Variants in DLC1 observed in about 807,000 individuals in gnomAD.
DLC1 encodes DLC1 Rho GTPase activating protein.
Under a neutral mutation model 140.3 loss-of-function variants are expected in DLC1, and 54 were observed. The ratio of observed to expected loss-of-function variants is 0.38; its 90% confidence interval spans 0.31 to 0.48. The LOEUF (loss-of-function observed/expected upper bound fraction) is 0.48. DLC1 is among the 20% of genes least tolerant of loss of function. The probability of loss-of-function intolerance (pLI) is 0.96; values close to 1 mark genes in which losing one functional copy is unlikely to be tolerated. For synonymous variants in DLC1, 986 were observed against 728.1 expected, an observed-to-expected ratio of 1.35 and a Z score of -5.70; for missense variants, 2,536 against 1,907.0, an observed-to-expected ratio of 1.33 and a Z score of -6.14.
At chr8:13,294,858 A>G (rs960335043) in intron 5 of DLC1, among the ~76,000 whole-genome samples, 1 of 152,190 alleles carries the variant, frequency 6.6e-6, no homozygotes, top group Non-Finnish European at 1.5e-5. Flanking sequence ...AGGTTCTTCA[A>G]CTGTATAATG....
intron 2 of DLC1, among the ~76,000 whole-genome samples, chr8:13,426,960 T>C (rs1285431991): frequency 6.6e-6 from 1 of 152,180 alleles, no homozygotes; most frequent in Non-Finnish European, 1.5e-5. Flanking sequence ...AGCCTATAAC[T>C]TGCCGTGCTT....
At chr8:13,122,493 G>GAA (rs538131717) in intron 5 of DLC1, among the ~76,000 whole-genome samples, 1 of 147,808 alleles carries the variant, frequency 6.8e-6, no homozygotes, top group African/African-American at 2.5e-5. Context: ...AGAAGGAAAA[G>GAA]AAAAAAAAAA....
intron 4 of DLC1, among the ~76,000 whole-genome samples, chr8:13,369,162 G>A (rs916621716): frequency 3.3e-5 from 5 of 152,018 alleles, no homozygotes; most frequent in African/African-American, 1.2e-4. Context: ...TGTCCATCCT[G>A]CATCCTCAAT....
At chr8:13,471,504 AGGAGGGAGGGAAAGGAG>A (rs1024944919) in intron 2 of DLC1, among the ~76,000 whole-genome samples, 1 of 117,070 alleles carries the variant, frequency 8.5e-6, no homozygotes, top group African/African-American at 3.7e-5. Flanking sequence ...AGGCAGGGAA[AGGAGGGAGGGAAAGGAG>A]GGAGGGAGGG....
At chr8:13,417,784 A>G (rs1287706032) in intron 2 of DLC1, among the ~76,000 whole-genome samples, 1 of 152,096 alleles carries the variant, frequency 6.6e-6, no homozygotes, top group East Asian at 1.9e-4. Context: ...AGGAATCGCC[A>G]CACTGACTTC....
intron 2 of DLC1, among the ~76,000 whole-genome samples, chr8:13,419,293 A>G (rs200314439): frequency 6.6e-6 from 1 of 151,874 alleles, no homozygotes; most frequent in African/African-American, 2.4e-5. Flanking sequence ...GTCTTGTGCC[A>G]GTTTTCAAAG....
intron 1 of DLC1, among the ~76,000 whole-genome samples, chr8:13,572,284 T>A (rs1296199096): frequency 6.6e-6 from 1 of 151,914 alleles, no homozygotes; most frequent in Non-Finnish European, 1.5e-5. Flanking sequence ...AGAGACGGGG[T>A]TTCACCGTGT....
chr8:13,540,182 C>G (rs1333827484), intron 1 of DLC1, among the ~76,000 whole-genome samples: 3 of 152,130 alleles, frequency 2.0e-5, no homozygotes, highest in Non-Finnish European at 4.4e-5. Context: ...TTGAAAAACA[C>G]AGGTATCAGA....
chr8:13,144,823 A>C (rs1265940302), intron 5 of DLC1, among the ~76,000 whole-genome samples: 2 of 152,136 alleles, frequency 1.3e-5, no homozygotes, highest in Non-Finnish European at 2.9e-5. Flanking sequence ...TATCTGTCCT[A>C]CTGGTTCTGT....
chr8:13,152,230 G>C (rs1198778717), intron 5 of DLC1, among the ~76,000 whole-genome samples: 1 of 152,190 alleles, frequency 6.6e-6, no homozygotes, highest in Non-Finnish European at 1.5e-5. Flanking sequence ...TCCGTAAGAA[G>C]TGTTCTGAAA....
intron 1 of DLC1, chr8:13,558,841 A>G (rs1277988300): frequency 2.0e-5 from 3 of 152,190 alleles, no homozygotes. Flanking sequence ...GACATAGATG[A>G]GTGAGTTCAG....
At chr8:13,137,256 C>G (rs1457497009) in intron 5 of DLC1, among the ~76,000 whole-genome samples, 1 of 152,162 alleles carries the variant, frequency 6.6e-6, no homozygotes, top group African/African-American at 2.4e-5. Flanking sequence ...AAGGTTTCAT[C>G]TGTCTCTGTC....
intron 2 of DLC1, among the ~76,000 whole-genome samples, chr8:13,459,704 T>C (rs1424074103): frequency 1.3e-5 from 2 of 152,156 alleles, no homozygotes; most frequent in Admixed American, 6.5e-5. Flanking sequence ...GGGCTGCTGT[T>C]ATGATTTCCC....
At chr8:13,086,073 T>C (rs1383637874) in intron 17 of DLC1, 142 bp from the exon 18 acceptor site, 9 of 1,407,278 alleles carry the variant, frequency 6.4e-6, no homozygotes, top group African/African-American at 2.9e-5. Context: ...AGCTACCATA[T>C]TTGCTTTGCT....
rs543569028 is a variant in DLC1, at chr8:13,292,446, A to G, written c.1348+12823T>C. 9.2e-5 allele frequency among the ~76,000 whole-genome samples: 14 copies of G among 152,316 alleles called. No homozygotes were observed. In the South Asian group the frequency reaches 2.7e-3, roughly 29 times the overall value. On this transcript the variant is annotated intron_variant, in intron 5 of 17. Transcript: ENST00000276297. ...AAGGCCCCAAATTTTGGTGTTCGAA[A>G]ATATTACAAAATAATGTTTTCTGGA...
intron 5 of DLC1, among the ~76,000 whole-genome samples, chr8:13,272,806 A>G (rs1278410585): frequency 6.6e-6 from 1 of 152,196 alleles, no homozygotes; most frequent in East Asian, 1.9e-4. Flanking sequence ...CCCAGGAGGC[A>G]GAGCTTAAAG....
chr8:13,218,609 T>C (rs961951227), intron 5 of DLC1, among the ~76,000 whole-genome samples: 2 of 151,646 alleles, frequency 1.3e-5, no homozygotes, highest in Admixed American at 6.6e-5. Flanking sequence ...TATCATAATT[T>C]GAGAAAAGGA....
chr8:13,278,942 A>G (rs909081232), intron 5 of DLC1, among the ~76,000 whole-genome samples: 47 of 152,332 alleles, frequency 3.1e-4, no homozygotes, highest in Admixed American at 8.5e-4. Context: ...AAAAGCTTAC[A>G]TAGTAAGTGG....
At chr8:13,440,851 G>C (rs960204111) in intron 2 of DLC1, among the ~76,000 whole-genome samples, 8 of 152,020 alleles carry the variant, frequency 5.3e-5, no homozygotes, top group Admixed American at 2.0e-4. Flanking sequence ...TTTGCTTCCC[G>C]CCGTGATTCT....
Sources: gnomAD v4.1 joint callset for allele counts (sites outside exome capture counted in the v4.1 genomes callset) on GRCh38, gnomAD v4.1.1 for gene constraint, MANE v1.5 for transcripts, NCBI Gene and HGNC (gene_info 2026-07-23, HGNC 2026-07-21) for gene names.